NAA11: variants seen among roughly 807,000 people sequenced by gnomAD.
The protein encoded by NAA11 is N-alpha-acetyltransferase 11.
Under a neutral mutation model 16.1 loss-of-function variants are expected in NAA11, and 15 were observed. That is an observed-to-expected ratio of 0.93 (90% CI 0.62 to 1.44). The LOEUF (loss-of-function observed/expected upper bound fraction) is 1.44, where lower values mean the gene tolerates loss of function less well. Among genes scored for constraint, NAA11 ranks in the 40% most tolerant of loss-of-function variants. The pLI is 0.00. For synonymous variants in NAA11, 122 were observed against 112.4 expected (o/e 1.09, Z -0.54); for missense variants, 298 against 291.3 (o/e 1.02, Z -0.17).
chr4:79,230,218 G>A (rs1721427790), intron 2 of NAA11, among the ~76,000 whole-genome samples: 1 of 150,532 alleles, frequency 6.6e-6, no homozygotes, highest in South Asian at 2.1e-4. Flanking sequence ...GGTGGGAATT[G>A]AACAATGAGA....
chr4:79,254,472 C>A (rs566508417), intron 2 of NAA11, among the ~76,000 whole-genome samples: 28 of 152,076 alleles, frequency 1.8e-4, no homozygotes, highest in Non-Finnish European at 3.5e-4. Flanking sequence ...TATAACATAG[C>A]AATTATTATA....
the NAA11 span, among the ~76,000 whole-genome samples, chr4:79,200,740 C>T: frequency 0.78 from 118,049 of 151,576 alleles, 46,540 homozygotes; most frequent in East Asian, 0.89. Context: ...GATTCTTGTT[C>T]TTCCAGTGAG....
chr4:79,291,707 T>C (rs889313725), intron 2 of NAA11, among the ~76,000 whole-genome samples: 6 of 151,308 alleles, frequency 4.0e-5, no homozygotes, highest in African/African-American at 1.5e-4. Flanking sequence ...GCAGCAAAAG[T>C]GAAACTCCGT....
At chr4:79,252,491 A>C (rs1456354142) in intron 2 of NAA11, among the ~76,000 whole-genome samples, 1 of 152,236 alleles carries the variant, frequency 6.6e-6, no homozygotes, top group Non-Finnish European at 1.5e-5. Context: ...TAAACAATAA[A>C]ATAAATATAA....
the NAA11 span, among the ~76,000 whole-genome samples, chr4:79,193,057 C>T: frequency 2.6e-5 from 4 of 151,818 alleles, no homozygotes; most frequent in Admixed American, 2.0e-4. Context: ...TATCCTTTGC[C>T]CACTTTTTGA....
At chr4:79,306,648 A>C (rs945909985) in intron 1 of NAA11, 1 of 152,226 alleles carries the variant, frequency 6.6e-6, no homozygotes, top group Non-Finnish European at 1.5e-5. Context: ...CAATAACAGT[A>C]CTTTGAAAAA....
At chr4:79,171,272 T>C in the NAA11 span, among the ~76,000 whole-genome samples, 1 of 152,064 alleles carries the variant, frequency 6.6e-6, no homozygotes, top group African/African-American at 2.4e-5. Flanking sequence ...TGGGAGTGGG[T>C]TAGATATTGC....
the NAA11 span, among the ~76,000 whole-genome samples, chr4:79,208,925 C>CAAA: frequency 2.8e-4 from 15 of 53,982 alleles, 3 homozygotes; most frequent in Non-Finnish European, 3.6e-4. Context: ...ATATAACTGC[C>CAAA]AAAAAAAAAA....
the NAA11 span, among the ~76,000 whole-genome samples, chr4:79,162,362 G>A: frequency 2.6e-5 from 4 of 152,232 alleles, no homozygotes; most frequent in East Asian, 7.7e-4. Flanking sequence ...AAAAAACTGG[G>A]GGTCTTAGAA....
chr4:79,211,068 C>T, the NAA11 span, among the ~76,000 whole-genome samples: 1 of 152,150 alleles, frequency 6.6e-6, no homozygotes, highest in Non-Finnish European at 1.5e-5. Flanking sequence ...TCTACTCAAC[C>T]ATCATAATTC....
chr4:79,211,626 C>T, the NAA11 span: 3 of 152,330 alleles, frequency 2.0e-5, no homozygotes, highest in African/African-American at 7.2e-5. Flanking sequence ...CTATTCCCCA[C>T]CCCCCACAAG....
At chr4:79,171,269 G>T in the NAA11 span, among the ~76,000 whole-genome samples, 2 of 152,138 alleles carry the variant, frequency 1.3e-5, no homozygotes, top group Non-Finnish European at 2.9e-5. Flanking sequence ...TTGTGGGAGT[G>T]GGTTAGATAT....
At chr4:79,288,630 T>C (rs1723005861) in intron 2 of NAA11, among the ~76,000 whole-genome samples, 1 of 152,202 alleles carries the variant, frequency 6.6e-6, no homozygotes, top group South Asian at 2.1e-4. Context: ...TAAATTTGTG[T>C]GTGGATTTAT....
chr4:79,174,549 G>T, the NAA11 span, among the ~76,000 whole-genome samples: 1 of 152,034 alleles, frequency 6.6e-6, no homozygotes, highest in Non-Finnish European at 1.5e-5. Context: ...TAGAAATCAA[G>T]TCACAATGGA....
intron 2 of NAA11, among the ~76,000 whole-genome samples, chr4:79,252,484 A>G (rs1448704857): frequency 6.6e-6 from 1 of 152,242 alleles, no homozygotes; most frequent in Non-Finnish European, 1.5e-5. Context: ...TAGATAATAA[A>G]CAATAAAATA....
intron 2 of NAA11, among the ~76,000 whole-genome samples, chr4:79,254,644 T>C (rs1423991021): frequency 7.1e-6 from 1 of 141,802 alleles, no homozygotes; most frequent in African/African-American, 2.9e-5. Flanking sequence ...TTTGTCCTTT[T>C]CTTTTTTTTT....
At chr4:79,272,209 T>A (rs969562680) in intron 2 of NAA11, among the ~76,000 whole-genome samples, 3 of 152,024 alleles carry the variant, frequency 2.0e-5, no homozygotes, top group Non-Finnish European at 4.4e-5. Context: ...ATACAATAAC[T>A]TCTTTAGGTT....
Position 79,301,262 on chromosome 4 carries a change from C to T in NAA11, c.*13-7148G>A, listed in dbSNP as rs564983008. ...AAGAATTTGATCAGAATATCCTCCC[C>T]TCCAAGTTTATTTTTCTTTCCACTT... On this transcript the variant is annotated intron_variant and NMD_transcript_variant, in intron 1 of 2. Transcript: ENST00000511542. 5.2e-4 allele frequency among the ~76,000 whole-genome samples: 79 copies of T among 152,298 alleles called. No individual in the cohort carries two copies. The South Asian group carries it at 0.015, about 29-fold the overall frequency.
chr4:79,282,682 A>G (rs1252260027), intron 2 of NAA11, among the ~76,000 whole-genome samples: 1 of 152,148 alleles, frequency 6.6e-6, no homozygotes, highest in Non-Finnish European at 1.5e-5. Flanking sequence ...TGTTTGAGGC[A>G]TGTTAATGAG....
Sources: gnomAD v4.1 joint callset for allele counts (sites outside exome capture counted in the v4.1 genomes callset) on GRCh38, gnomAD v4.1.1 for gene constraint, MANE v1.5 for transcripts, NCBI Gene and HGNC (gene_info 2026-07-23, HGNC 2026-07-21) for gene names.